CDH12: variants seen among roughly 807,000 people sequenced by gnomAD.
CDH12 encodes cadherin 12.
A neutral mutation model predicts 74.1 loss-of-function variants in CDH12; 41 were observed. That is an observed-to-expected ratio of 0.55 (90% CI 0.43 to 0.72). The LOEUF is 0.72. Ranked by LOEUF, CDH12 falls within the 30% of genes least tolerant of loss-of-function variation. The pLI is 0.00. For synonymous variants in CDH12, 399 were observed against 355.0 expected (o/e 1.12, Z -1.39); for missense variants, 945 against 977.2 (o/e 0.97, Z 0.44).
chr5:22,247,804 GA>G (rs1251104387), intron 3 of CDH12, among the ~76,000 whole-genome samples: 10 of 152,246 alleles, frequency 6.6e-5, no homozygotes, highest in African/African-American at 2.4e-4. Context: ...TTATAGAAAT[GA>G]ATAGTTATAA....
chr5:22,021,429 C>T (rs766774132), intron 5 of CDH12, among the ~76,000 whole-genome samples: 14 of 152,088 alleles, frequency 9.2e-5, no homozygotes, highest in Non-Finnish European at 1.8e-4. Context: ...GCTTGATGAC[C>T]TAGGGAAAGT....
chr5:22,262,134 A>G (rs75695726), intron 3 of CDH12, among the ~76,000 whole-genome samples: 1 of 149,120 alleles, frequency 6.7e-6, no homozygotes, highest in Non-Finnish European at 1.5e-5. Context: ...TTTTTTTTTT[A>G]TACTTTAAGT....
At chr5:22,199,970 G>C (rs963490044) in intron 4 of CDH12, among the ~76,000 whole-genome samples, 4 of 152,172 alleles carry the variant, frequency 2.6e-5, no homozygotes, top group Non-Finnish European at 5.9e-5. Context: ...GACCCAAACT[G>C]TGTTTCTGCA....
chr5:22,219,142 GA>G (rs1751925039), intron 3 of CDH12, among the ~76,000 whole-genome samples: 1 of 151,596 alleles, frequency 6.6e-6, no homozygotes, highest in Non-Finnish European at 1.5e-5. Flanking sequence ...AATGTGTATG[GA>G]AATATTACTC....
intron 2 of CDH12, among the ~76,000 whole-genome samples, chr5:22,493,345 G>T (rs1217744958): frequency 6.6e-6 from 1 of 152,108 alleles, no homozygotes; most frequent in African/African-American, 2.4e-5. Context: ...AACTCCAGGG[G>T]AGCAGAAACA....
intron 6 of CDH12, among the ~76,000 whole-genome samples, chr5:21,925,825 G>A (rs183104217): frequency 6.6e-5 from 10 of 152,002 alleles, no homozygotes; most frequent in Admixed American, 6.5e-4. Context: ...TCATAACAGT[G>A]GGCAAAACAA....
intron 1 of CDH12, among the ~76,000 whole-genome samples, chr5:22,604,431 C>A (rs1352528321): frequency 6.6e-6 from 1 of 152,110 alleles, no homozygotes; most frequent in East Asian, 1.9e-4. Context: ...AGAATCTTGA[C>A]CTTTCAGAAA....
At chr5:22,087,672 A>T (rs1379013564) in intron 4 of CDH12, among the ~76,000 whole-genome samples, 1 of 152,096 alleles carries the variant, frequency 6.6e-6, no homozygotes, top group Non-Finnish European at 1.5e-5. Context: ...GGAAAAAAAT[A>T]ATTTGAGTCC....
chr5:22,032,707 C>CAA (rs374314576), intron 5 of CDH12, among the ~76,000 whole-genome samples: 1,310 of 127,826 alleles, frequency 0.01, 10 homozygotes, highest in Admixed American at 0.022. Context: ...GATTCCATCT[C>CAA]AAAAAAAAAA....
At chr5:21,780,313 A>C (rs982647465) in intron 11 of CDH12, among the ~76,000 whole-genome samples, 2 of 152,186 alleles carry the variant, frequency 1.3e-5, no homozygotes, top group East Asian at 1.9e-4. Context: ...ACTTGCTTCC[A>C]CTATAAAGGT....
chr5:22,693,766 ATATATG>A (rs1292617079), intron 1 of CDH12, among the ~76,000 whole-genome samples: 3 of 151,944 alleles, frequency 2.0e-5, no homozygotes, highest in South Asian at 2.1e-4. Flanking sequence ...ATTTATATAT[ATATATG>A]TATTATCTGT....
At chr5:22,185,643 C>G (rs964999850) in intron 4 of CDH12, among the ~76,000 whole-genome samples, 1 of 152,102 alleles carries the variant, frequency 6.6e-6, no homozygotes, top group African/African-American at 2.4e-5. Context: ...TGAGAAAGTC[C>G]TAGTGCTTAT....
chr5:22,715,345 C>T (rs1743518054), intron 1 of CDH12, among the ~76,000 whole-genome samples: 1 of 152,038 alleles, frequency 6.6e-6, no homozygotes, highest in Admixed American at 6.5e-5. Flanking sequence ...TAAGTCAGTC[C>T]CATCTGAAGG....
At chr5:22,697,151 C>T (rs1376469814) in intron 1 of CDH12, among the ~76,000 whole-genome samples, 2 of 152,078 alleles carry the variant, frequency 1.3e-5, no homozygotes, top group South Asian at 4.1e-4. Flanking sequence ...TCTTTTTCCC[C>T]TCCCATGAAA....
At chr5:22,288,542 T>C (rs979442067) in intron 3 of CDH12, among the ~76,000 whole-genome samples, 3 of 152,204 alleles carry the variant, frequency 2.0e-5, no homozygotes, top group Non-Finnish European at 4.4e-5. Flanking sequence ...AAGTTAGCAA[T>C]GACAGATCTA....
chr5:22,513,788 A>G (rs1274692961), intron 1 of CDH12, among the ~76,000 whole-genome samples: 1 of 151,946 alleles, frequency 6.6e-6, no homozygotes, highest in Admixed American at 6.6e-5. Flanking sequence ...TCTACTAAAA[A>G]TACAAAAAAA....
intron 8 of CDH12, among the ~76,000 whole-genome samples, chr5:21,832,753 A>T (rs924351437): frequency 7.4e-6 from 1 of 135,598 alleles, no homozygotes; most frequent in African/African-American, 2.8e-5. Flanking sequence ...CATGATACAT[A>T]TCATATATAT....
intron 3 of CDH12, among the ~76,000 whole-genome samples, chr5:22,396,442 A>G (rs111987388): frequency 0.036 from 5,489 of 152,190 alleles, 115 homozygotes; most frequent in African/African-American, 0.055. Context: ...CAGTGAGTCC[A>G]GCTCAATTCT....
intron 3 of CDH12, among the ~76,000 whole-genome samples, chr5:22,220,369 A>G (rs1220986173): frequency 2.0e-5 from 3 of 151,522 alleles, no homozygotes; most frequent in Non-Finnish European, 4.4e-5. Context: ...TGAAAGTCCC[A>G]TAAATGAATG....
Sources: gnomAD v4.1 joint callset for allele counts (sites outside exome capture counted in the v4.1 genomes callset) on GRCh38, gnomAD v4.1.1 for gene constraint, MANE v1.5 for transcripts, NCBI Gene and HGNC (gene_info 2026-07-23, HGNC 2026-07-21) for gene names.